The following CRYBA4 variants were observed in gnomAD, a reference collection of about 807,000 sequenced individuals.
The protein encoded by CRYBA4 is crystallin beta A4.
A neutral mutation model predicts 31.7 loss-of-function variants in CRYBA4; 30 were observed. The ratio of observed to expected loss-of-function variants is 0.95; its 90% CI spans 0.71 to 1.28. CRYBA4 has a LOEUF of 1.28. Among genes scored for constraint, CRYBA4 ranks in the 50% most tolerant of loss-of-function variants. CRYBA4 has a pLI of 0.00. For missense variants in CRYBA4, 225 were observed against 260.7 expected (o/e 0.86, Z 0.94); for synonymous variants, 102 against 102.3 (o/e 1.00, Z 0.02).
intron 5 of CRYBA4, 36 bp from the exon 6 acceptor site, chr22:26,630,304 T>C (rs1437753931): frequency 1.9e-6 from 3 of 1,613,506 alleles, no homozygotes; most frequent in Non-Finnish European, 2.5e-6. Flanking sequence ...TGCTGGTGTC[T>C]CTGTAGAGTA....
the CRYBA4 span, among the ~76,000 whole-genome samples, chr22:26,607,681 G>A: frequency 3.9e-5 from 6 of 151,912 alleles, no homozygotes; most frequent in Non-Finnish European, 7.4e-5. Flanking sequence ...CTTATCATTT[G>A]CCCAGGGTTC....
At chr22:26,593,457 G>A in the CRYBA4 span, among the ~76,000 whole-genome samples, 93 of 152,032 alleles carry the variant, frequency 6.1e-4, no homozygotes, top group African/African-American at 2.1e-3. Context: ...GGGCAACATG[G>A]TGAGACCTTG....
chr22:26,601,988 C>T, the CRYBA4 span: 1 of 1,613,816 alleles, frequency 6.2e-7, no homozygotes, highest in Non-Finnish European at 8.5e-7. Context: ...AAGTTGGCCC[C>T]TTCAAACAGG....
the CRYBA4 span, among the ~76,000 whole-genome samples, chr22:26,597,945 G>A: frequency 6.0e-5 from 9 of 151,074 alleles, no homozygotes; most frequent in African/African-American, 7.3e-5. Context: ...GTACAGTGGC[G>A]CAATCTTGGC....
In CRYBA4 at chr22:26,628,031, TTTTG is replaced by T. The variant is rs529632088; in HGVS notation, c.301-245_301-242del. ...TTTGGACATAAAAGTTGACTCCTTT[TTTTG>T]TTTGTTTGTTTTTGAAAAAACTGTT... On this transcript the variant is annotated intron_variant, in intron 4 of 5. Coordinates refer to ENST00000354760, the MANE Select transcript of CRYBA4 (RefSeq NM_001886.3). 1.6e-3 allele frequency among the ~76,000 whole-genome samples: 248 copies of T among 152,314 alleles called. 1 individual carries two copies. Among genetic ancestry groups the T allele is most frequent in the Middle Eastern group, 0.014 (4 of 294 alleles).
Position 26,622,684 on chromosome 22 carries a change from C to T in CRYBA4, c.39+49C>T, listed in dbSNP as rs1284492138. On this transcript the variant is annotated intron_variant, in intron 2 of 5. Coordinates refer to ENST00000354760, the MANE Select transcript of CRYBA4 (RefSeq NM_001886.3). ...GTGTTCAGGGGGTATGGGGAGGGTT[C>T]AGGTCCCCATGAATCCTAGGAGGGG... is the stretch of plus-strand genomic sequence containing the variant. The T allele has an allele frequency of 8.2e-6, 11 of 1,339,628 alleles. No homozygotes were observed. In the South Asian group the frequency reaches 1.3e-4, roughly 16 times the overall value. The allele number at this position is 1,339,628 out of a possible 1,614,324, so 83.0% of individuals were successfully genotyped here.
At chr22:26,597,116 G>A in the CRYBA4 span, among the ~76,000 whole-genome samples, 1 of 152,146 alleles carries the variant, frequency 6.6e-6, no homozygotes, top group Non-Finnish European at 1.5e-5. Flanking sequence ...TATGTGAGGT[G>A]GTGTCTCAAC....
upstream of CRYBA4, among the ~76,000 whole-genome samples, chr22:26,617,811 C>A (rs1437664847): frequency 6.6e-6 from 1 of 151,892 alleles, no homozygotes; most frequent in Non-Finnish European, 1.5e-5. Context: ...CTCACTCTCT[C>A]CCCTCTCCCT....
the CRYBA4 span, among the ~76,000 whole-genome samples, chr22:26,600,294 C>T: frequency 2.6e-5 from 4 of 151,670 alleles, no homozygotes; most frequent in African/African-American, 7.3e-5. Context: ...CCCAGCTACT[C>T]GGGAGACTGA....
At chr22:26,627,928 G>A (rs1358959759) in intron 4 of CRYBA4, among the ~76,000 whole-genome samples, 1 of 152,112 alleles carries the variant, frequency 6.6e-6, no homozygotes, top group Non-Finnish European at 1.5e-5. Context: ...GATTATAGGC[G>A]TGAGCCACCG....
chr22:26,622,615 A>C lies in CRYBA4; in HGVS notation c.19A>C (p.Lys7Gln). Residue 7 changes from lysine (K) to glutamine (Q), a missense_variant, in exon 2 of 6, where the codon AAG becomes CAG. Coordinates refer to ENST00000354760, the MANE Select transcript of CRYBA4 (RefSeq NM_001886.3). MTLQCTKSAGPWKMVVW... is the reference protein window; with the variant it reads MTLQCTQSAGPWKMVVW... ...GGCCACAATGACCCTGCAATGCACA[A>C]AGTCAGCGGGACCCTGGAAGGTAGG... 1 of 1,613,204 alleles carries C rather than the reference A, an allele frequency of 6.2e-7. No homozygotes were observed. Among genetic ancestry groups the C allele is most frequent in the Non-Finnish European group, 8.5e-7 (1 of 1,179,490 alleles).
the CRYBA4 span, among the ~76,000 whole-genome samples, chr22:26,615,457 G>C: frequency 6.6e-6 from 1 of 152,124 alleles, no homozygotes; most frequent in Non-Finnish European, 1.5e-5. Flanking sequence ...GCTGTGAAGC[G>C]GTATGGTTTG....
At chr22:26,611,436 G>A in the CRYBA4 span, among the ~76,000 whole-genome samples, 1 of 151,876 alleles carries the variant, frequency 6.6e-6, no homozygotes, top group African/African-American at 2.4e-5. Flanking sequence ...CTCAGCCCTC[G>A]GTAATGGGCT....
Position 26,630,631 on chromosome 22 carries a change from A to G in CRYBA4, c.*144A>G. 3 of 659,774 alleles carry G rather than the reference A, an allele frequency of 4.5e-6. No individual in the cohort carries two copies. In the South Asian group the frequency reaches 5.3e-5, roughly 12 times the overall value. The allele number at this position is 659,774 out of a possible 1,614,324, so 40.9% of individuals were successfully genotyped here. A position where few individuals can be genotyped will look rare whatever the true frequency, so the allele number is the denominator to read the frequency against. On this transcript the variant is annotated 3_prime_UTR_variant, in exon 6 of 6. Coordinates refer to ENST00000354760, the MANE Select transcript of CRYBA4 (RefSeq NM_001886.3). ...GTGAACTGGTCCGTGCACAGTCAGC[A>G]CAAAAAACTCAAACGAATAAAAAAG...
chr22:26,628,281 C>T lies in CRYBA4; in HGVS notation c.301-7C>T. ...TGCTGGTCTGACTGTGTTCCCTGTT[C>T]CTGTAGAACCACCGTGACTCGAGGC... On this transcript the variant is annotated splice_region_variant and splice_polypyrimidine_tract_variant and intron_variant, in intron 4 of 5. Coordinates refer to ENST00000354760, the MANE Select transcript of CRYBA4 (RefSeq NM_001886.3). 1 of 1,613,846 alleles carries T rather than the reference C, an allele frequency of 6.2e-7. No individual in the cohort carries two copies. Among genetic ancestry groups the T allele is most frequent in the Non-Finnish European group, 8.5e-7 (1 of 1,179,926 alleles).
chr22:26,595,546 T>C, the CRYBA4 span, among the ~76,000 whole-genome samples: 1 of 143,954 alleles, frequency 6.9e-6, no homozygotes, highest in African/African-American at 2.6e-5. Context: ...GCCATTGCAC[T>C]CCAGCCTGGA....
At chr22:26,609,693 G>C in the CRYBA4 span, among the ~76,000 whole-genome samples, 6 of 152,202 alleles carry the variant, frequency 3.9e-5, no homozygotes, top group African/African-American at 1.4e-4. Context: ...ATGAATAAAT[G>C]GGTGGATAGA....
At chr22:26,602,025 G>C in the CRYBA4 span, 1 of 1,613,442 alleles carries the variant, frequency 6.2e-7, no homozygotes, top group African/African-American at 1.3e-5. Context: ...GGGCATCCTG[G>C]GGAAAGAGAG....
At chr22:26,599,081 C>G in the CRYBA4 span, among the ~76,000 whole-genome samples, 1 of 152,150 alleles carries the variant, frequency 6.6e-6, no homozygotes, top group Non-Finnish European at 1.5e-5. Context: ...CATTCAGGAC[C>G]CAGAAACCAA....
Sources: allele counts gnomAD v4.1 joint callset (sites outside exome capture counted in the v4.1 genomes callset), GRCh38; gene constraint gnomAD v4.1.1; transcripts MANE v1.5; gene names NCBI Gene and HGNC (gene_info 2026-07-23, HGNC 2026-07-21).